Variants in OR4D1 observed in about 807,000 individuals in gnomAD.
OR4D1 encodes olfactory receptor 4D1.
A neutral mutation model predicts 14.2 loss-of-function variants in OR4D1; 10 were observed. The observed-to-expected ratio is 0.71, with a 90% CI of 0.44 to 1.20. The LOEUF (loss-of-function observed/expected upper bound fraction) is 1.20. Among genes scored for constraint, OR4D1 ranks in the 50% most tolerant of loss-of-function variants. The pLI is 0.00. For missense variants in OR4D1, 345 were observed against 376.6 expected, an observed-to-expected ratio of 0.92 and a Z score of 0.70; for synonymous variants, 141 against 147.4, an observed-to-expected ratio of 0.96 and a Z score of 0.32.
intron 1 of OR4D1, among the ~76,000 whole-genome samples, chr17:58,148,795 T>C (rs4793932): frequency 6.6e-6 from 1 of 152,152 alleles, no homozygotes; most frequent in Admixed American, 6.5e-5. Context: ...ACATACATAC[T>C]ACAGCTTCTT....
chr17:58,149,438 C>T lies in OR4D1; in HGVS notation c.-485C>T, dbSNP rs1415050721. 1.3e-5 allele frequency: 2 copies of T among 152,350 alleles called. No individual in the cohort carries two copies. The highest frequency in any genetic ancestry group is 4.8e-5 in the African/African-American group (2 of 41,444). The allele number at this position is 152,350 out of a possible 1,614,324, so 9.4% of individuals were successfully genotyped here. A position where few individuals can be genotyped will look rare whatever the true frequency, so the allele number is the denominator to read the frequency against. Reference sequence around the variant, plus strand: ...CTCTCTTTCTTCCCAGCTCTCACGGCAGTCTGGCCCATCCCAGCACCCTGT... The same window carrying T: ...CTCTCTTTCTTCCCAGCTCTCACGGTAGTCTGGCCCATCCCAGCACCCTGT... On this transcript the variant is annotated 5_prime_UTR_variant, in exon 2 of 4. Coordinates refer to ENST00000268912, the MANE Select transcript of OR4D1 (RefSeq NM_001386095.1).
At chr17:58,148,777 C>A (rs943096280) in intron 1 of OR4D1, among the ~76,000 whole-genome samples, 193 bp downstream of exon 1, 2 of 152,050 alleles carry the variant, frequency 1.3e-5, no homozygotes, top group African/African-American at 4.8e-5. Context: ...TTATCTCCCC[C>A]GCCTCCCACA....
rs760441149 is a variant in OR4D1, at chr17:58,152,075, T to G, written c.-126-1782T>G. 5.9e-5 allele frequency among the ~76,000 whole-genome samples: 9 copies of G among 152,346 alleles called. No homozygotes were observed. In the East Asian group the frequency reaches 9.6e-4, roughly 16 times the overall value. ...ATAATTTTTAAAAATTGTTCCTTAT[T>G]ATATTTTATCTTTAACTTTTTGGAT... On this transcript the variant is annotated intron_variant, in intron 2 of 3. Coordinates refer to ENST00000268912, the MANE Select transcript of OR4D1 (RefSeq NM_001386095.1).
In OR4D1 at chr17:58,157,195, C is replaced by T. The variant is rs777995459; in HGVS notation, c.*1109C>T. On this transcript the variant is annotated 3_prime_UTR_variant, in exon 4 of 4. Coordinates refer to ENST00000268912, the MANE Select transcript of OR4D1 (RefSeq NM_001386095.1). ...CCGCCCAAGGAGGCATCCCCAGTGC[C>T]GGCCAAAAGCGCCTCTTCCGGGGCC... The T allele has an allele frequency of 4.1e-6, 6 of 1,460,068 alleles. No homozygotes were observed. The highest frequency in any genetic ancestry group is 2.8e-5 in the South Asian group (2 of 71,344). 90.4% of individuals were successfully genotyped at this position (1,460,068 alleles called of 1,614,324 possible). A position where few individuals can be genotyped will look rare whatever the true frequency, so the allele number is the denominator to read the frequency against.
Position 58,157,006 on chromosome 17 carries a change from G to C in OR4D1, c.*920G>C, listed in dbSNP as rs1039926255. ...GGAGTCGCGCGTCGGGAGCTACGTA[G>C]GGCAGGGAAGGCATGGCTTCTGTTT... On this transcript the variant is annotated 3_prime_UTR_variant, in exon 4 of 4. Coordinates refer to ENST00000268912, the MANE Select transcript of OR4D1 (RefSeq NM_001386095.1). The C allele has an allele frequency of 2.3e-6, 2 of 856,918 alleles. No individual in the cohort carries two copies. The highest frequency in any genetic ancestry group is 3.8e-6 in the Non-Finnish European group (2 of 532,918). The allele number at this position is 856,918 out of a possible 1,614,324, so 53.1% of individuals were successfully genotyped here. A position where few individuals can be genotyped will look rare whatever the true frequency, so the allele number is the denominator to read the frequency against.
At position 58,156,139 on chromosome 17, in the gene OR4D1, C is replaced by A; in HGVS notation, c.*53C>A. On this transcript the variant is annotated 3_prime_UTR_variant, in exon 4 of 4. Transcript: ENST00000268912. ...AAATTTCTCTGGATTTTTATTTTCC[C>A]ACATGAAAAATGGAGGAAAGTCTTT... is the stretch of plus-strand genomic sequence containing the variant. 1 of 1,203,306 alleles carries A rather than the reference C, an allele frequency of 8.3e-7. No homozygotes were observed. Among genetic ancestry groups the A allele is most frequent in the Non-Finnish European group, 1.1e-6 (1 of 873,922 alleles). The allele number at this position is 1,203,306 out of a possible 1,614,324, so 74.5% of individuals were successfully genotyped here. A position where few individuals can be genotyped will look rare whatever the true frequency, so the allele number is the denominator to read the frequency against.
intron 2 of OR4D1, among the ~76,000 whole-genome samples, chr17:58,151,336 T>G (rs1324612184): frequency 6.6e-6 from 1 of 152,156 alleles, no homozygotes; most frequent in African/African-American, 2.4e-5. Context: ...TGTGCCATGG[T>G]GGTTTGCTGC....
In OR4D1 at chr17:58,155,659, G is replaced by A; in HGVS notation, c.506G>A (p.Cys169Tyr). 6.2e-7 allele frequency: 1 copy of A among 1,614,094 alleles called. No individual in the cohort carries two copies. The highest frequency in any genetic ancestry group is 8.5e-7 in the Non-Finnish European group (1 of 1,180,016). Residue 169 changes from cysteine to tyrosine, a missense_variant, in exon 4 of 4, where the codon TGT (cysteine) becomes TAT (tyrosine). Coordinates refer to ENST00000268912, the MANE Select transcript of OR4D1 (RefSeq NM_001386095.1). ...QLALILPLPF[C>Y]GPNILDNFYC... ...GCTCTGATACTTCCACTGCCCTTCT[G>A]TGGCCCCAATATCCTAGATAACTTC...
At chr17:58,153,016 T>A (rs1967722307) in intron 2 of OR4D1, among the ~76,000 whole-genome samples, 1 of 152,152 alleles carries the variant, frequency 6.6e-6, no homozygotes, top group African/African-American at 2.4e-5. Context: ...CTGTTAACAT[T>A]TCAGGAATCA....
intron 3 of OR4D1, among the ~76,000 whole-genome samples, 25 bp downstream of exon 3, chr17:58,153,988 CTT>C (rs989081942): frequency 2.0e-5 from 3 of 152,092 alleles, no homozygotes; most frequent in African/African-American, 7.2e-5. Context: ...GCCCAGGTAA[CTT>C]TTAAAATTTT....
In OR4D1 at chr17:58,157,373, C is replaced by T; in HGVS notation, c.*1287C>T. 7.5e-7 allele frequency: 1 copy of T among 1,333,160 alleles called. No homozygotes were observed. Among genetic ancestry groups the T allele is most frequent in the Non-Finnish European group, 1.0e-6 (1 of 956,664 alleles). The allele number at this position is 1,333,160 out of a possible 1,614,324, so 82.6% of individuals were successfully genotyped here. On this transcript the variant is annotated 3_prime_UTR_variant, in exon 4 of 4. Transcript: ENST00000268912. ...CAGGAACCCTGCTGATAATTCGCCG[C>T]CGCCAAGACACGTGAGCCCTACCAC...
At position 58,155,973 on chromosome 17, in the gene OR4D1, A is replaced by G. The variant is rs779655991; in HGVS notation, c.820A>G (p.Ser274Gly). 9.3e-6 allele frequency: 15 copies of G among 1,613,988 alleles called. No individual in the cohort carries two copies. The highest frequency in any genetic ancestry group is 1.7e-5 in the Admixed American group (1 of 60,006). The change falls in exon 4 of 4, where the codon AGC becomes GGC. Residue 274 changes from serine (S) to glycine (G), a missense_variant. Ser to Gly is a moderately conservative substitution (Grantham distance 56). Transcript: ENST00000268912. The part of the protein sequence containing the change: ...PFLMDKAVSI[S>G]YTVMTPMLNP... ...CCTCATGGACAAGGCTGTGTCCATCAGCTACACAGTCATGACCCCCATGCT... is the reference window on the plus strand; with the variant it reads ...CCTCATGGACAAGGCTGTGTCCATCGGCTACACAGTCATGACCCCCATGCT...
chr17:58,157,867 C>G lies in OR4D1; in HGVS notation c.*1781C>G. The G allele has an allele frequency of 6.7e-7, 1 of 1,495,716 alleles. No homozygotes were observed. Among genetic ancestry groups the G allele is most frequent in the Non-Finnish European group, 9.2e-7 (1 of 1,086,772 alleles). 92.7% of individuals were successfully genotyped at this position (1,495,716 alleles called of 1,614,324 possible). ...TTTCAAAGGGTTTCCTCTCCCTCTC[C>G]AAGAAGGCAGGACCAGCCAATACTC... On this transcript the variant is annotated 3_prime_UTR_variant, in exon 4 of 4. Coordinates refer to ENST00000268912, the MANE Select transcript of OR4D1 (RefSeq NM_001386095.1).
chr17:58,156,958 A>G lies in OR4D1; in HGVS notation c.*872A>G. 1.5e-6 allele frequency: 1 copy of G among 683,116 alleles called. No individual in the cohort carries two copies. The highest frequency in any genetic ancestry group is 2.6e-6 in the Non-Finnish European group (1 of 380,964). 42.3% of individuals were successfully genotyped at this position (683,116 alleles called of 1,614,324 possible). On this transcript the variant is annotated 3_prime_UTR_variant, in exon 4 of 4. Coordinates refer to ENST00000268912, the MANE Select transcript of OR4D1 (RefSeq NM_001386095.1). ...CCTCCTCCCCCACAAAAAAAGTTTG[A>G]GTCGCCGCTGCGGGTTGCTAGCGGA...
chr17:58,150,747 T>C (rs1967692712), intron 2 of OR4D1, among the ~76,000 whole-genome samples: 1 of 152,120 alleles, frequency 6.6e-6, no homozygotes, highest in African/African-American at 2.4e-5. Context: ...TTCTCTCCTC[T>C]CTTTTACAGA....
intron 1 of OR4D1, 39 bp downstream of exon 1, chr17:58,148,623 G>A (rs189988500): frequency 3.3e-5 from 5 of 152,418 alleles, no homozygotes; most frequent in Admixed American, 2.6e-4. Flanking sequence ...CATGGGGGAA[G>A]TCATCAGGCA....
In OR4D1 at chr17:58,149,755, A is replaced by T. The variant is rs36089182; in HGVS notation, c.-168A>T. On this transcript the variant is annotated 5_prime_UTR_variant, in exon 2 of 4. The change creates a premature stop within an existing upstream ORF in the 5' untranslated region. Transcript: ENST00000268912. ...ACTGAGACCTGAGGGACCGAAGAAG[A>T]GATAAGTTTGGCTGAAGCTGAATCT... is the stretch of plus-strand genomic sequence containing the variant. The T allele has an allele frequency of 0.041, 6,321 of 152,382 alleles. 196 individuals carry two copies. Among genetic ancestry groups the T allele is most frequent in the Non-Finnish European group, 0.062 (4,252 of 68,082 alleles). The allele number at this position is 152,382 out of a possible 1,614,324, so 9.4% of individuals were successfully genotyped here. A position where few individuals can be genotyped will look rare whatever the true frequency, so the allele number is the denominator to read the frequency against.
chr17:58,156,929 C>A lies in OR4D1; in HGVS notation c.*843C>A. The A allele has an allele frequency of 1.6e-6, 1 of 630,352 alleles. No individual in the cohort carries two copies. The allele number at this position is 630,352 out of a possible 1,614,324, so 39.0% of individuals were successfully genotyped here. A position where few individuals can be genotyped will look rare whatever the true frequency, so the allele number is the denominator to read the frequency against. ...TGTGGAATTTAGAAAGTTATCTCGC[C>A]CTCCCTCCTCCCCCACAAAAAAAGT... On this transcript the variant is annotated 3_prime_UTR_variant, in exon 4 of 4. Transcript: ENST00000268912.
At position 58,155,981 on chromosome 17, in the gene OR4D1, A is replaced by G. The variant is rs1343881372; in HGVS notation, c.828A>G (p.Thr276=). 1.9e-6 allele frequency: 3 copies of G among 1,612,928 alleles called. No individual in the cohort carries two copies. Residue 276 remains threonine (T), a synonymous_variant, in exon 4 of 4, where the codon ACA becomes ACG. Transcript: ENST00000268912. ...LMDKAVSISY[T]VMTPMLNPMI... is the part of the protein sequence containing the mutation. ...ACAAGGCTGTGTCCATCAGCTACAC[A>G]GTCATGACCCCCATGCTCAACCCCA...
Sources: gnomAD v4.1 joint callset for allele counts (sites outside exome capture counted in the v4.1 genomes callset) on GRCh38, gnomAD v4.1.1 for gene constraint, MANE v1.5 for transcripts, NCBI Gene and HGNC (gene_info 2026-07-23, HGNC 2026-07-21) for gene names.